MYT1L: variants seen among roughly 807,000 people sequenced by gnomAD.
MYT1L encodes myelin transcription factor 1 like, also known as myelin transcription factor 1-like protein.
In MYT1L, 12 loss-of-function variants were observed where a neutral mutation model predicts 126.7. That is an observed-to-expected ratio of 0.09 (90% CI 0.06 to 0.15). The LOEUF (loss-of-function observed/expected upper bound fraction) is 0.15, where lower values mean the gene tolerates loss of function less well. Among genes scored for constraint, MYT1L ranks in the 10% least tolerant of loss-of-function variants. The pLI is 1.00. For missense variants in MYT1L, 979 were observed against 1,585.2 expected, an observed-to-expected ratio of 0.62 and a Z score of 6.49; for synonymous variants, 541 against 604.2, an observed-to-expected ratio of 0.90 and a Z score of 1.53.
intron 3 of MYT1L, among the ~76,000 whole-genome samples, chr2:2,154,592 C>T (rs868584840): frequency 1.3e-5 from 2 of 152,274 alleles, no homozygotes; most frequent in African/African-American, 4.8e-5. Flanking sequence ...AAACCAAATA[C>T]CGCATGTTCT....
intron 8 of MYT1L, among the ~76,000 whole-genome samples, chr2:1,964,881 C>T (rs1031166948): frequency 6.6e-5 from 10 of 152,108 alleles, no homozygotes; most frequent in African/African-American, 1.9e-4. Flanking sequence ...TGACAAGGAG[C>T]TTGGGGTCAC....
At chr2:2,028,747 GA>G (rs1292089918) in intron 4 of MYT1L, among the ~76,000 whole-genome samples, 1 of 152,056 alleles carries the variant, frequency 6.6e-6, no homozygotes, top group Non-Finnish European at 1.5e-5. Context: ...CTTTTCCTGG[GA>G]ACCATCCTGT....
chr2:2,284,100 G>C lies in MYT1L; in HGVS notation c.-421+304C>G, dbSNP rs529904104. 3.9e-5 allele frequency among the ~76,000 whole-genome samples: 6 copies of C among 152,228 alleles called. No homozygotes were observed. In the South Asian group the frequency reaches 1.0e-3, roughly 26 times the overall value. Reference sequence around the variant, plus strand: ...AATTAAACATAACTATATGTTTTTGGATCAAGTTCTCTGCTTGGTTCAGTT... The same window carrying C: ...AATTAAACATAACTATATGTTTTTGCATCAAGTTCTCTGCTTGGTTCAGTT... On this transcript the variant is annotated intron_variant, in intron 2 of 24. Transcript: ENST00000647738.
chr2:2,052,011 T>C (rs181190883), intron 4 of MYT1L, among the ~76,000 whole-genome samples: 108 of 152,176 alleles, frequency 7.1e-4, no homozygotes, highest in African/African-American at 2.4e-3. Flanking sequence ...AAAAAGAACA[T>C]AGTTAGAAAT....
intron 8 of MYT1L, among the ~76,000 whole-genome samples, chr2:1,965,162 A>G (rs1442545296): frequency 1.3e-5 from 2 of 149,668 alleles, no homozygotes; most frequent in Non-Finnish European, 2.9e-5. Context: ...TGCAGGGACC[A>G]GGCAGGGAAG....
At chr2:1,868,773 C>T (rs771110981) in intron 18 of MYT1L, among the ~76,000 whole-genome samples, 1 of 152,220 alleles carries the variant, frequency 6.6e-6, no homozygotes, top group Non-Finnish European at 1.5e-5. Flanking sequence ...CCTCCTCCCC[C>T]CTCCTCCCTG....
At chr2:2,139,346 G>A (rs142338265) in intron 3 of MYT1L, among the ~76,000 whole-genome samples, 8 of 152,192 alleles carry the variant, frequency 5.3e-5, no homozygotes, top group African/African-American at 1.9e-4. Flanking sequence ...CAGGCCAGGC[G>A]TGGTGGCTCA....
In MYT1L at chr2:2,047,011, T is replaced by C. The variant is rs115908073; in HGVS notation, c.-158+6967A>G. On this transcript the variant is annotated intron_variant, in intron 4 of 24. Transcript: ENST00000647738. ...AATTGTCTTCCATATCCTTTGCCCA[T>C]TTTTAGTTAATATTTTTATTTGTTA... is the stretch of plus-strand genomic sequence containing the variant. 9.0e-3 allele frequency among the ~76,000 whole-genome samples: 1,373 copies of C among 152,284 alleles called. 23 individuals carry two copies. The highest frequency in any genetic ancestry group is 0.03 in the African/African-American group (1,259 of 41,560).
intron 3 of MYT1L, among the ~76,000 whole-genome samples, chr2:2,141,511 G>A (rs2083971399): frequency 6.6e-6 from 1 of 152,074 alleles, no homozygotes; most frequent in Non-Finnish European, 1.5e-5. Flanking sequence ...AGATTTCTGG[G>A]CCTGAGTTCT....
At chr2:2,091,499 C>T (rs1290734162) in intron 3 of MYT1L, among the ~76,000 whole-genome samples, 1 of 152,144 alleles carries the variant, frequency 6.6e-6, no homozygotes, top group Non-Finnish European at 1.5e-5. Context: ...GTAGGTTTAG[C>T]ATAACAATTA....
chr2:2,313,749 T>C (rs2096015743), intron 1 of MYT1L, among the ~76,000 whole-genome samples: 1 of 152,180 alleles, frequency 6.6e-6, no homozygotes, highest in Admixed American at 6.5e-5. Context: ...AGAGACACTA[T>C]ACATTCTGCA....
chr2:2,281,922 G>A (rs867708627), intron 2 of MYT1L, among the ~76,000 whole-genome samples: 2 of 152,184 alleles, frequency 1.3e-5, no homozygotes, highest in Non-Finnish European at 2.9e-5. Flanking sequence ...CTACTTTTTA[G>A]CGGTAGGTGG....
intron 4 of MYT1L, among the ~76,000 whole-genome samples, chr2:2,017,855 T>C (rs1020627986): frequency 2.6e-5 from 4 of 152,178 alleles, no homozygotes; most frequent in Non-Finnish European, 4.4e-5. Context: ...TCAATTTCTT[T>C]TATATTTTTC....
At chr2:1,926,565 T>C (rs548737998) in intron 9 of MYT1L, among the ~76,000 whole-genome samples, 2 of 152,280 alleles carry the variant, frequency 1.3e-5, no homozygotes, top group South Asian at 4.2e-4. Context: ...AGGTTTTGTT[T>C]TTGTTTTTGT....
chr2:1,905,542 C>T (rs2050939395), intron 13 of MYT1L, among the ~76,000 whole-genome samples: 2 of 152,004 alleles, frequency 1.3e-5, no homozygotes, highest in South Asian at 4.1e-4. Flanking sequence ...TTAGTGGAGA[C>T]AGGGTTTCAC....
At chr2:2,289,160 C>A (rs2095563405) in intron 1 of MYT1L, among the ~76,000 whole-genome samples, 1 of 152,200 alleles carries the variant, frequency 6.6e-6, no homozygotes, top group African/African-American at 2.4e-5. Context: ...GAGGGTGATG[C>A]CTGTCCCTTA....
intron 9 of MYT1L, among the ~76,000 whole-genome samples, chr2:1,933,542 T>C (rs12993285): frequency 0.03 from 4,559 of 152,306 alleles, 94 homozygotes; most frequent in Non-Finnish European, 0.046. Flanking sequence ...AGTGGCTTAA[T>C]GTGTAAGGGA....
Position 2,056,572 on chromosome 2 carries a change from C to T in MYT1L, c.-303-2449G>A, listed in dbSNP as rs868106980. Among the ~76,000 whole-genome samples, 8 of 152,334 alleles carry T rather than the reference C, an allele frequency of 5.3e-5. No homozygotes were observed. The Middle Eastern group carries it at 0.01, about 194-fold the overall frequency. ...CCTCACTAGGTAAAGATTCACAGAA[C>T]AATTAGGTAAGGAGTGAGTGAGTCA... is the stretch of plus-strand genomic sequence containing the variant. On this transcript the variant is annotated intron_variant, in intron 3 of 24. Coordinates refer to ENST00000647738, the MANE Select transcript of MYT1L (RefSeq NM_001303052.2).
At chr2:1,935,311 C>T (rs116563859) in intron 9 of MYT1L, among the ~76,000 whole-genome samples, 2,061 of 152,208 alleles carry the variant, frequency 0.014, 53 homozygotes, top group African/African-American at 0.047. Flanking sequence ...CAGTGCCCTT[C>T]TGGGCACAGA....
Sources: allele counts gnomAD v4.1 joint callset (sites outside exome capture counted in the v4.1 genomes callset), GRCh38; gene constraint gnomAD v4.1.1; transcripts MANE v1.5; gene names NCBI Gene and HGNC (gene_info 2026-07-23, HGNC 2026-07-21).